Variants in ZNF248 observed in about 807,000 individuals in gnomAD.
The protein encoded by ZNF248 is KRAB protein domain.
In ZNF248, 20 loss-of-function variants were observed where a neutral mutation model predicts 44.3. That is an observed-to-expected ratio of 0.45 (90% confidence interval 0.32 to 0.66). The LOEUF (loss-of-function observed/expected upper bound fraction) is 0.66. Ranked by LOEUF, ZNF248 falls within the 30% of genes least tolerant of loss-of-function variation. The pLI, the probability that ZNF248 is intolerant of heterozygous loss-of-function variation, is 0.04. For synonymous variants in ZNF248, 224 were observed against 229.0 expected, an observed-to-expected ratio of 0.98 and a Z score of 0.20; for missense variants, 654 against 677.0, an observed-to-expected ratio of 0.97 and a Z score of 0.38.
At chr10:37,817,779 A>C (rs2052750148) in intron 6 of ZNF248, among the ~76,000 whole-genome samples, 1 of 152,136 alleles carries the variant, frequency 6.6e-6, no homozygotes, top group African/African-American at 2.4e-5. Flanking sequence ...TTTCCCCCCG[A>C]AGTCAAACAC....
chr10:37,846,970 A>T (rs1339795803), intron 3 of ZNF248, among the ~76,000 whole-genome samples: 2 of 152,200 alleles, frequency 1.3e-5, no homozygotes, highest in Non-Finnish European at 2.9e-5. Flanking sequence ...AAAAACTGGG[A>T]AACACCGATT....
chr10:37,823,519 G>T (rs2053845621), intron 6 of ZNF248, among the ~76,000 whole-genome samples: 1 of 151,972 alleles, frequency 6.6e-6, no homozygotes, highest in African/African-American at 2.4e-5. Context: ...GGGGGGTCAA[G>T]AATTTTGTGA....
At chr10:37,789,134 T>C (rs920528626) in intron 6 of ZNF248, among the ~76,000 whole-genome samples, 1 of 152,140 alleles carries the variant, frequency 6.6e-6, no homozygotes, top group African/African-American at 2.4e-5. Flanking sequence ...GGCTGGGAGT[T>C]AGAGTGGGGA....
chr10:37,849,173 C>A (rs553695270), intron 3 of ZNF248, among the ~76,000 whole-genome samples: 1 of 152,222 alleles, frequency 6.6e-6, no homozygotes, highest in African/African-American at 2.4e-5. Context: ...GTGGCTCACA[C>A]CTATAATCCC....
At chr10:37,759,614 G>A in the ZNF248 span, among the ~76,000 whole-genome samples, 2 of 152,190 alleles carry the variant, frequency 1.3e-5, no homozygotes, top group Non-Finnish European at 2.9e-5. Flanking sequence ...AGATGGCTTA[G>A]TGAAAGCTGT....
intron 6 of ZNF248, among the ~76,000 whole-genome samples, chr10:37,777,535 C>CTTT (rs368150075): frequency 1.4e-5 from 2 of 138,202 alleles, no homozygotes; most frequent in African/African-American, 2.7e-5. Flanking sequence ...GTCTTCGACT[C>CTTT]TTTTTTTTTT....
chr10:37,767,623 C>T, the ZNF248 span, among the ~76,000 whole-genome samples: 36 of 152,046 alleles, frequency 2.4e-4, no homozygotes, highest in African/African-American at 6.0e-4. Flanking sequence ...TCCTGAAAGA[C>T]GCACTAAACA....
chr10:37,777,912 C>T (rs1337374427), intron 6 of ZNF248, among the ~76,000 whole-genome samples: 2 of 152,110 alleles, frequency 1.3e-5, no homozygotes, highest in Non-Finnish European at 1.5e-5. Flanking sequence ...ATATGTGCCA[C>T]ATTTTCTTAA....
chr10:37,835,577 T>C (rs2056988700), intron 5 of ZNF248, among the ~76,000 whole-genome samples: 1 of 152,188 alleles, frequency 6.6e-6, no homozygotes, highest in Admixed American at 6.5e-5. Context: ...GAGCTAAGTA[T>C]GTTTTTTAAG....
intron 6 of ZNF248, among the ~76,000 whole-genome samples, chr10:37,822,296 A>C (rs2053604856): frequency 1.3e-5 from 2 of 152,370 alleles, no homozygotes; most frequent in African/African-American, 4.8e-5. Flanking sequence ...TGAACACAGA[A>C]AAAAACATTT....
At position 37,830,078 on chromosome 10, in the gene ZNF248, C is replaced by A. The variant is rs139750084; in HGVS notation, c.*1537G>T. On this transcript the variant is annotated 3_prime_UTR_variant, in exon 6 of 6. Transcript: ENST00000395867. ...AGAGATACTCTAAAATACTAATACG[C>A]AGAACTAGTGTTACATAGACCGTGC... 39 of 985,304 alleles carry A rather than the reference C, an allele frequency of 4.0e-5. No individual in the cohort carries two copies. Among genetic ancestry groups the A allele is most frequent in the Middle Eastern group, 5.2e-4 (1 of 1,914 alleles). 61.0% of individuals were successfully genotyped at this position (985,304 alleles called of 1,614,324 possible). A position where few individuals can be genotyped will look rare whatever the true frequency, so the allele number is the denominator to read the frequency against.
At chr10:37,799,629 A>G (rs780217985) in intron 6 of ZNF248, among the ~76,000 whole-genome samples, 11 of 152,188 alleles carry the variant, frequency 7.2e-5, no homozygotes, top group Non-Finnish European at 1.2e-4. Flanking sequence ...CAAGGTTAGG[A>G]TGCCAGCTTA....
chr10:37,847,740 ATT>A (rs1286676366), intron 3 of ZNF248, among the ~76,000 whole-genome samples: 1 of 151,886 alleles, frequency 6.6e-6, no homozygotes, highest in Admixed American at 6.6e-5. Context: ...ACAAAAAAAA[ATT>A]ATCTTGAATT....
At chr10:37,789,185 T>C (rs1233403258) in intron 6 of ZNF248, among the ~76,000 whole-genome samples, 2 of 152,114 alleles carry the variant, frequency 1.3e-5, no homozygotes, top group East Asian at 1.9e-4. Flanking sequence ...TTGGGTGATA[T>C]AAATGTAAAA....
chr10:37,797,563 G>A (rs1017418082), intron 6 of ZNF248, among the ~76,000 whole-genome samples: 2 of 151,878 alleles, frequency 1.3e-5, no homozygotes, highest in African/African-American at 4.8e-5. Flanking sequence ...ATCTGACAAG[G>A]GTCTGGTATC....
downstream of ZNF248, among the ~76,000 whole-genome samples, chr10:37,774,039 G>C (rs570170710): frequency 1.6e-4 from 25 of 151,626 alleles, no homozygotes; most frequent in Middle Eastern, 3.4e-3. Context: ...CCTATCAGTT[G>C]TTTCTCTGGA....
chr10:37,781,162 T>C (rs757586034), intron 6 of ZNF248, among the ~76,000 whole-genome samples: 26 of 152,174 alleles, frequency 1.7e-4, no homozygotes, highest in Non-Finnish European at 2.8e-4. Context: ...TGTGTGATGG[T>C]ATATCCAGAT....
intron 6 of ZNF248, among the ~76,000 whole-genome samples, chr10:37,821,441 C>T (rs2053445886): frequency 6.6e-6 from 1 of 152,180 alleles, no homozygotes; most frequent in Admixed American, 6.5e-5. Context: ...GAACAGTGTG[C>T]TTTACTATGG....
chr10:37,819,841 T>C (rs868650077), intron 6 of ZNF248: 39 of 786,730 alleles, frequency 5.0e-5, no homozygotes, highest in Middle Eastern at 2.3e-4. Context: ...ACATTTTCCG[T>C]TGTCTATCTC....
Sources: allele counts gnomAD v4.1 joint callset (sites outside exome capture counted in the v4.1 genomes callset), GRCh38; gene constraint gnomAD v4.1.1; transcripts MANE v1.5; gene names NCBI Gene and HGNC (gene_info 2026-07-23, HGNC 2026-07-21).